Variants in ANAPC11 observed in about 807,000 individuals in gnomAD.
ANAPC11 encodes the protein anaphase-promoting complex subunit 11.
A neutral mutation model predicts 11.8 loss-of-function variants in ANAPC11; 5 were observed. The ratio of observed to expected loss-of-function variants is 0.42; its 90% CI spans 0.22 to 0.89. The LOEUF is 0.89. Among genes scored for constraint, ANAPC11 ranks in the 40% least tolerant of loss-of-function variants. The pLI, the probability that ANAPC11 is intolerant of heterozygous loss-of-function variation, is 0.28. For missense variants in ANAPC11, 68 were observed against 112.9 expected, an observed-to-expected ratio of 0.60 and a Z score of 1.80; for synonymous variants, 45 against 41.0, an observed-to-expected ratio of 1.10 and a Z score of -0.38.
intron 3 of ANAPC11, 133 bp from the exon 4 acceptor site, chr17:81,899,787 C>A: frequency 9.5e-7 from 1 of 1,051,040 alleles, no homozygotes; most frequent in African/African-American, 1.6e-5. Flanking sequence ...CTGATTTCGG[C>A]TTCTCTGAAA....
chr17:81,899,161 CAG>C (rs919411083), intron 3 of ANAPC11: 4 of 1,421,004 alleles, frequency 2.8e-6, no homozygotes, highest in Non-Finnish European at 9.6e-7. Context: ...AGCTGTTCCT[CAG>C]GGGTTTCCAG....
At chr17:81,891,362 G>C, upstream of ANAPC11, 1 of 1,153,510 alleles carries the variant, frequency 8.7e-7, no homozygotes, top group Non-Finnish European at 1.1e-6. Context: ...CGCCTCCGCC[G>C]GCCGCGCCGC....
At chr17:81,899,190 G>T in intron 3 of ANAPC11, 1 of 1,559,406 alleles carries the variant, frequency 6.4e-7, no homozygotes. Context: ...GGAGATCAGG[G>T]ACACTCATTT....
Position 81,894,396 on chromosome 17 carries a change from C to T in ANAPC11, c.-11-71C>T, listed in dbSNP as rs2039660723. The T allele has an allele frequency of 5.8e-6, 5 of 860,756 alleles. No homozygotes were observed. In the African/African-American group the frequency reaches 6.7e-5, roughly 11 times the overall value. 53.3% of individuals were successfully genotyped at this position (860,756 alleles called of 1,614,324 possible). On this transcript the variant is annotated intron_variant, in intron 2 of 3. Transcript: ENST00000344877. Reference sequence around the variant, plus strand: ...GGACTGCACTGTGGCAGGCTTATACCTGTGTTGGTGCCTAAACGTTCTAGC... The same window carrying T: ...GGACTGCACTGTGGCAGGCTTATACTTGTGTTGGTGCCTAAACGTTCTAGC...
Position 81,894,580 on chromosome 17 carries a change from CCTGA to C in ANAPC11, c.107_109+1del, listed in dbSNP as rs747367809. Reference sequence around the variant, plus strand: ...CAGGATGGCATTTAACGGATGCTGCCCTGACTGTGAGTGTCCCCTCCATGCTGTC... The same window carrying C: ...CAGGATGGCATTTAACGGATGCTGCCCTGTGAGTGTCCCCTCCATGCTGTC... On this transcript the variant is annotated frameshift_variant and splice_region_variant, in exon 3 of 4. Coordinates refer to ENST00000344877, the MANE Select transcript of ANAPC11 (RefSeq NM_001002248.3). LOFTEE classifies it high-confidence loss of function. 5.6e-6 allele frequency: 9 copies of C among 1,606,928 alleles called. No homozygotes were observed. Among genetic ancestry groups the C allele is most frequent in the South Asian group, 3.3e-5 (3 of 90,544 alleles).
chr17:81,894,058 G>A (rs1394648140), intron 2 of ANAPC11, among the ~76,000 whole-genome samples: 2 of 151,686 alleles, frequency 1.3e-5, no homozygotes, highest in Admixed American at 6.6e-5. Flanking sequence ...GTGGCAGATC[G>A]CTTGAGGCCA....
intron 3 of ANAPC11, chr17:81,894,809 C>A (rs1396809297): frequency 2.4e-6 from 1 of 423,802 alleles, no homozygotes; most frequent in East Asian, 3.6e-5. Context: ...CCTCTGCCTC[C>A]CGGGTTCAAA....
intron 3 of ANAPC11, chr17:81,898,148 CAA>C (rs1041402058): frequency 6.6e-5 from 10 of 152,268 alleles, no homozygotes; most frequent in Non-Finnish European, 1.5e-4. Flanking sequence ...AAGGATGTAA[CAA>C]AGAGTGCGTG....
chr17:81,900,124 G>A lies in ANAPC11; in HGVS notation c.*59G>A, dbSNP rs375171192. The A allele has an allele frequency of 7.2e-5, 115 of 1,602,870 alleles. No individual in the cohort carries two copies. Among genetic ancestry groups the A allele is most frequent in the Middle Eastern group, 3.3e-4 (2 of 6,050 alleles). ...GAGACTCCTTCCTCATGCTGGCGCC[G>A]ATGGCTGCTGGGGACAGCGCCCCTG... On this transcript the variant is annotated 3_prime_UTR_variant, in exon 4 of 4. Transcript: ENST00000344877.
At chr17:81,893,666 C>T (rs910848833) in intron 2 of ANAPC11, 52 bp downstream of exon 2, 3 of 152,066 alleles carry the variant, frequency 2.0e-5, no homozygotes, top group Admixed American at 6.6e-5. Context: ...TCTCCTTGTC[C>T]GTAAGGAGCT....
rs2039629341 is a variant in ANAPC11, at chr17:81,893,584, T to G, written c.-42T>G. On this transcript the variant is annotated 5_prime_UTR_variant, in exon 2 of 4. It adds an upstream start codon to the 5' untranslated region. Transcript: ENST00000344877. ...GTTTCGTCATGTTGGCCAGGCCCAT[T>G]TGAGATCTTTGAAGATATCCTCAAC... is the stretch of plus-strand genomic sequence containing the variant. The G allele has an allele frequency of 6.6e-6, 1 of 151,990 alleles. No individual in the cohort carries two copies. Among genetic ancestry groups the G allele is most frequent in the African/African-American group, 2.4e-5 (1 of 41,378 alleles). 9.4% of individuals were successfully genotyped at this position (151,990 alleles called of 1,614,324 possible). A position where few individuals can be genotyped will look rare whatever the true frequency, so the allele number is the denominator to read the frequency against.
chr17:81,897,951 C>T (rs1368675118), intron 3 of ANAPC11, among the ~76,000 whole-genome samples: 1 of 152,218 alleles, frequency 6.6e-6, no homozygotes, highest in Non-Finnish European at 1.5e-5. Flanking sequence ...TTAACTTTTA[C>T]ATTGGCCCTA....
intron 3 of ANAPC11, chr17:81,898,985 C>T: frequency 1.8e-6 from 1 of 570,940 alleles, no homozygotes; most frequent in South Asian, 2.1e-5. Flanking sequence ...CAGAGTTGTG[C>T]TGAGGCCAGA....
rs771255547 is a variant in ANAPC11 at position 81,899,930 on chromosome 17, C to T, written c.120C>T (p.Pro40=). 16 of 1,608,284 alleles carry T rather than the reference C, an allele frequency of 9.9e-6. No individual in the cohort carries two copies. The highest frequency in any genetic ancestry group is 8.0e-5 in the African/African-American group (6 of 74,852). ...ACCTCCCCTCCGTAGGCAAGGTGCC[C>T]GGCGACGACTGCCCGCTGGTGTGGG... The part of the protein sequence containing the change: ...FNGCCPDCKV[P]GDDCPLVWGQ... Residue 40 remains proline (P), a synonymous_variant, in exon 4 of 4, where the codon CCC becomes CCT. Transcript: ENST00000344877.
Position 81,891,756 on chromosome 17 carries a change from G to T in ANAPC11, c.-160G>T. ...TGGCGTGCGAGACTCGGCGGGCGCT[G>T]TTGAGGGAGTCGGGCCGCGACTGTG... On this transcript the variant is annotated 5_prime_UTR_variant, in exon 1 of 4. Coordinates refer to ENST00000344877, the MANE Select transcript of ANAPC11 (RefSeq NM_001002248.3). 1 of 423,804 alleles carries T rather than the reference G, an allele frequency of 2.4e-6. No homozygotes were observed. Among genetic ancestry groups the T allele is most frequent in the Non-Finnish European group, 3.6e-6 (1 of 274,518 alleles). The allele number at this position is 423,804 out of a possible 1,614,324, so 26.3% of individuals were successfully genotyped here.
At chr17:81,896,530 G>T (rs528199441) in intron 3 of ANAPC11, among the ~76,000 whole-genome samples, 1 of 152,222 alleles carries the variant, frequency 6.6e-6, no homozygotes, top group Admixed American at 6.5e-5. Context: ...TAAAGCAGAA[G>T]CAAGGGTCAA....
chr17:81,891,901 G>C (rs1473295854), intron 1 of ANAPC11, 60 bp downstream of exon 1: 1 of 184,478 alleles, frequency 5.4e-6, no homozygotes, highest in South Asian at 8.3e-5. Flanking sequence ...GGCCGTTGGA[G>C]GCGGAGCCTA....
intron 1 of ANAPC11, chr17:81,892,059 C>G (rs567006506): frequency 6.6e-6 from 1 of 152,046 alleles, no homozygotes; most frequent in East Asian, 2.0e-4. Flanking sequence ...CGGTGGGGTC[C>G]GGCGGGCGCG....
chr17:81,897,715 C>T (rs2039790804), intron 3 of ANAPC11, among the ~76,000 whole-genome samples: 1 of 152,116 alleles, frequency 6.6e-6, no homozygotes, highest in African/African-American at 2.4e-5. Context: ...AACTCCTGGG[C>T]TCAAGGGATC....
Sources: allele counts gnomAD v4.1 joint callset (sites outside exome capture counted in the v4.1 genomes callset), GRCh38; gene constraint gnomAD v4.1.1; transcripts MANE v1.5; gene names NCBI Gene and HGNC (gene_info 2026-07-23, HGNC 2026-07-21).